The following ABCB11 variants were observed in gnomAD, a reference collection of about 807,000 sequenced individuals.
ABCB11 encodes ATP binding cassette subfamily B member 11.
ABCB11 carries 95 observed loss-of-function variants against 148.0 expected under a neutral mutation model. The observed-to-expected ratio is 0.64, with a 90% CI of 0.54 to 0.76. The LOEUF (loss-of-function observed/expected upper bound fraction) is 0.76. ABCB11 is among the 30% of genes least tolerant of loss of function. The pLI, the probability that ABCB11 is intolerant of heterozygous loss-of-function variation, is 0.00. For missense variants in ABCB11, 1,523 were observed against 1,617.8 expected, an observed-to-expected ratio of 0.94 and a Z score of 1.01; for synonymous variants, 591 against 555.4, an observed-to-expected ratio of 1.06 and a Z score of -0.90.
rs531309033 is a variant in ABCB11, at chr2:168,966,303, T to A, written c.2076-1995A>T. 2.0e-5 allele frequency among the ~76,000 whole-genome samples: 3 copies of A among 152,032 alleles called. No individual in the cohort carries two copies. The East Asian group carries it at 5.9e-4, about 30-fold the overall frequency. ...GCAGGAGAGGCCATCAACATATGAC[T>A]GACTACCTTCCAGTTCTGAGTATGG... On this transcript the variant is annotated intron_variant, in intron 17 of 27. Transcript: ENST00000650372.
At chr2:168,977,950 A>C (rs1004597032) in intron 11 of ABCB11, among the ~76,000 whole-genome samples, 1 of 152,094 alleles carries the variant, frequency 6.6e-6, no homozygotes, top group Non-Finnish European at 1.5e-5. Flanking sequence ...AAGCCAAACC[A>C]TATCAATCAC....
rs755761146 is a variant in ABCB11, at chr2:168,990,808, C to T, written c.901G>A (p.Val301Ile). 2.5e-6 allele frequency: 4 copies of T among 1,612,706 alleles called. No homozygotes were observed. In the African/African-American group the frequency reaches 4.0e-5, roughly 16 times the overall value. The change falls in exon 9 of 28, where the codon GTT (valine) becomes ATT (isoleucine). Residue 301 changes from valine to isoleucine, a missense_variant. Coordinates refer to ENST00000650372, the MANE Select transcript of ABCB11 (RefSeq NM_003742.4). ...AGATTCCAATTAACCAACCTTTCAA[C>T]CTCTCTTTTCTCACCACCAAAAGCA... ...VAAFGGEKRE[V>I]ERYEKNLVFA... is the part of the protein sequence containing the mutation.
At chr2:168,960,115 C>G (rs909418615) in intron 18 of ABCB11, among the ~76,000 whole-genome samples, 4 of 151,522 alleles carry the variant, frequency 2.6e-5, no homozygotes, top group African/African-American at 9.7e-5. Flanking sequence ...CTCTCAGATT[C>G]ATGTGGGTTG....
At chr2:168,945,414 G>A (rs944469685) in intron 19 of ABCB11, among the ~76,000 whole-genome samples, 1 of 151,912 alleles carries the variant, frequency 6.6e-6, no homozygotes, top group African/African-American at 2.4e-5. Flanking sequence ...AAAACCAATG[G>A]TGATGACTTA....
chr2:169,016,467 G>T (rs1312083675), intron 3 of ABCB11, among the ~76,000 whole-genome samples: 2 of 152,114 alleles, frequency 1.3e-5, no homozygotes, highest in Non-Finnish European at 2.9e-5. Flanking sequence ...CAAGAATTTG[G>T]GGTTTAGAGA....
At chr2:168,953,018 A>G (rs1432062246) in intron 19 of ABCB11, among the ~76,000 whole-genome samples, 1 of 151,574 alleles carries the variant, frequency 6.6e-6, no homozygotes, top group Non-Finnish European at 1.5e-5. Flanking sequence ...ATAGTTTCCA[A>G]ACTTCTTCTT....
chr2:169,003,351 T>A (rs1294406249), intron 5 of ABCB11, among the ~76,000 whole-genome samples: 1 of 145,646 alleles, frequency 6.9e-6, no homozygotes, highest in Non-Finnish European at 1.5e-5. Flanking sequence ...TGTGTGTGCA[T>A]ATATATATAT....
intron 5 of ABCB11, among the ~76,000 whole-genome samples, chr2:169,007,450 G>A (rs927217693): frequency 6.6e-6 from 1 of 152,110 alleles, no homozygotes; most frequent in African/African-American, 2.4e-5. Flanking sequence ...GGTTTAGTTG[G>A]GTCACAATTC....
At chr2:168,939,778 T>C (rs2544367) in intron 21 of ABCB11, among the ~76,000 whole-genome samples, 74,101 of 151,494 alleles carry the variant, frequency 0.49, 19,107 homozygotes, top group South Asian at 0.66. Context: ...ACCCTGTATA[T>C]GCAGAGCAAT....
intron 5 of ABCB11, among the ~76,000 whole-genome samples, chr2:169,000,638 C>T (rs1245618818): frequency 6.6e-6 from 1 of 152,100 alleles, no homozygotes; most frequent in Non-Finnish European, 1.5e-5. Flanking sequence ...GTCTATATAT[C>T]TGTCCTCTGT....
chr2:169,000,368 T>C (rs969839598), intron 5 of ABCB11, among the ~76,000 whole-genome samples: 1 of 152,164 alleles, frequency 6.6e-6, no homozygotes, highest in East Asian at 1.9e-4. Context: ...CTACATGCTC[T>C]GTCCAGCCCT....
intron 1 of ABCB11, among the ~76,000 whole-genome samples, chr2:169,028,344 G>T (rs1255561631): frequency 6.6e-6 from 1 of 152,032 alleles, no homozygotes; most frequent in African/African-American, 2.4e-5. Flanking sequence ...GGGAAATACA[G>T]GCATCTCCTG....
intron 14 of ABCB11, chr2:168,970,672 G>A (rs1186714144): frequency 2.4e-5 from 7 of 286,224 alleles, no homozygotes; most frequent in African/African-American, 1.6e-4. Flanking sequence ...GATGGTTACT[G>A]ATTATCTCAC....
At position 169,014,161 on chromosome 2, in the gene ABCB11, C is replaced by T. The variant is rs1695281475; in HGVS notation, c.150+142G>A. 6.4e-6 allele frequency: 5 copies of T among 779,076 alleles called. No individual in the cohort carries two copies. The East Asian group carries it at 7.4e-5, about 11-fold the overall frequency. 48.3% of individuals were successfully genotyped at this position (779,076 alleles called of 1,614,324 possible). On this transcript the variant is annotated intron_variant, in intron 4 of 27. Coordinates refer to ENST00000650372, the MANE Select transcript of ABCB11 (RefSeq NM_003742.4). ...TTCTAATAGTTATTCAGCATGTTAT[C>T]ACATAGGCAAAGCCTATGACTGAAA...
At chr2:168,932,875 C>T (rs569541916) in intron 23 of ABCB11, among the ~76,000 whole-genome samples, 175 of 152,020 alleles carry the variant, frequency 1.2e-3, no homozygotes, top group African/African-American at 4.0e-3. Context: ...CTTGGGAGGC[C>T]GAGGCGGGCG....
chr2:169,000,764 T>A (rs1303224922), intron 5 of ABCB11, among the ~76,000 whole-genome samples: 1 of 152,160 alleles, frequency 6.6e-6, no homozygotes, highest in Non-Finnish European at 1.5e-5. Context: ...CCAGTTTTTT[T>A]ACATTTTCAT....
At chr2:168,935,588 T>C (rs552320734) in intron 22 of ABCB11, among the ~76,000 whole-genome samples, 163 bp from the exon 23 acceptor site, 1 of 152,338 alleles carries the variant, frequency 6.6e-6, no homozygotes, top group African/African-American at 2.4e-5. Context: ...TCAACCCAAC[T>C]GGACCACGAG....
chr2:169,024,327 T>C lies in ABCB11; in HGVS notation c.-27-6175A>G, dbSNP rs1695626513. Among the ~76,000 whole-genome samples the C allele has an allele frequency of 3.9e-5, 6 of 152,216 alleles. No individual in the cohort carries two copies. The South Asian group carries it at 1.2e-3, about 31-fold the overall frequency. ...ATGTATTTTTCCATCTTAAGCAGCA[T>C]ACCACTCCTAAATAAAACAAAATCA... On this transcript the variant is annotated intron_variant, in intron 1 of 27. Coordinates refer to ENST00000650372, the MANE Select transcript of ABCB11 (RefSeq NM_003742.4).
chr2:168,923,281 C>T lies in ABCB11; in HGVS notation c.*341G>A. 1 of 344,062 alleles carries T rather than the reference C, an allele frequency of 2.9e-6. No individual in the cohort carries two copies. Among genetic ancestry groups the T allele is most frequent in the East Asian group, 5.8e-5 (1 of 17,280 alleles). The allele number at this position is 344,062 out of a possible 1,614,324, so 21.3% of individuals were successfully genotyped here. On this transcript the variant is annotated 3_prime_UTR_variant, in exon 28 of 28. Transcript: ENST00000650372. ...CTTGAGGAGTTCAAAGTGTCACTTA[C>T]TCCCTGATGTCTCACTAATTCCCAC...
Sources: gnomAD v4.1 joint callset for allele counts (sites outside exome capture counted in the v4.1 genomes callset) on GRCh38, gnomAD v4.1.1 for gene constraint, MANE v1.5 for transcripts, NCBI Gene and HGNC (gene_info 2026-07-23, HGNC 2026-07-21) for gene names.